The following MYO3B variants were observed in gnomAD, a reference collection of about 807,000 sequenced individuals.
MYO3B encodes myosin IIIB.
A neutral mutation model predicts 174.6 loss-of-function variants in MYO3B; 156 were observed. The observed-to-expected ratio is 0.89, with a 90% CI of 0.78 to 1.02. The LOEUF (loss-of-function observed/expected upper bound fraction) is 1.02. Ranked by LOEUF, MYO3B falls within the 50% of genes least tolerant of loss-of-function variation. MYO3B has a pLI of 0.00. For synonymous variants in MYO3B, 563 were observed against 569.1 expected (o/e 0.99, Z 0.15); for missense variants, 1,632 against 1,639.4 (o/e 1.00, Z 0.08).
chr2:170,363,974 C>T (rs1023062836), intron 8 of MYO3B, among the ~76,000 whole-genome samples: 1 of 152,144 alleles, frequency 6.6e-6, no homozygotes, highest in Non-Finnish European at 1.5e-5. Flanking sequence ...TAAATCTAGT[C>T]CTTGCTACTT....
At position 170,235,948 on chromosome 2, in the gene MYO3B, T is replaced by C. The variant is rs775064160; in HGVS notation, c.604-43T>C. 4.3e-6 allele frequency: 7 copies of C among 1,611,034 alleles called. No homozygotes were observed. In the Admixed American group the frequency reaches 1.2e-4, roughly 27 times the overall value. The stretch of plus-strand genomic sequence containing the variant: ...CAGGGCCTTTTTAGGACATCTGATG[T>C]GGCAGTAGGGTTGATGTGTCATGTC... On this transcript the variant is annotated intron_variant, in intron 6 of 34. Coordinates refer to ENST00000408978, the MANE Select transcript of MYO3B (RefSeq NM_138995.5).
At chr2:170,356,571 A>G (rs897603526) in intron 8 of MYO3B, among the ~76,000 whole-genome samples, 2 of 151,380 alleles carry the variant, frequency 1.3e-5, no homozygotes, top group South Asian at 2.1e-4. Context: ...CATGTTGGCC[A>G]GGCTGGTCTC....
At chr2:170,642,758 A>G (rs547382309) in intron 32 of MYO3B, among the ~76,000 whole-genome samples, 13 of 152,148 alleles carry the variant, frequency 8.5e-5, no homozygotes, top group Non-Finnish European at 1.8e-4. Context: ...TTCCTCCATG[A>G]CATGACTTAA....
chr2:170,607,402 C>G (rs2106354504), intron 32 of MYO3B, among the ~76,000 whole-genome samples: 1 of 152,354 alleles, frequency 6.6e-6, no homozygotes, highest in East Asian at 1.9e-4. Context: ...TCACTCCAGA[C>G]CCCAGGCTGA....
chr2:170,226,511 G>A (rs1253281776), intron 6 of MYO3B, among the ~76,000 whole-genome samples: 1 of 152,190 alleles, frequency 6.6e-6, no homozygotes, highest in Non-Finnish European at 1.5e-5. Flanking sequence ...TGCAAGGGGT[G>A]GAAATGACTG....
chr2:170,591,940 C>T (rs1693841053), intron 32 of MYO3B, among the ~76,000 whole-genome samples: 1 of 152,210 alleles, frequency 6.6e-6, no homozygotes, highest in Non-Finnish European at 1.5e-5. Flanking sequence ...CTTCTCAACT[C>T]AAGGCAGTAT....
intron 16 of MYO3B, among the ~76,000 whole-genome samples, chr2:170,399,302 G>A (rs13405139): frequency 0.11 from 13,174 of 119,616 alleles, 1,036 homozygotes; most frequent in African/African-American, 0.17. Context: ...GCAAAACTCC[G>A]TCTCTACTAA....
In MYO3B at chr2:170,501,863, C is replaced by T. The variant is rs1687293111; in HGVS notation, c.3368C>T (p.Ala1123Val). ...AATGAGTCTGCTGCTCATAATCAAG[C>T]AGGTAATTAAAACATCATTTTCACA... The part of the protein sequence containing the change: ...RRNESAAHNQ[A>V]GDTSNQSSGP... Residue 1123 changes from alanine to valine, a missense_variant and splice_region_variant, in exon 28 of 35, where the codon GCA becomes GTA. Coordinates refer to ENST00000408978, the MANE Select transcript of MYO3B (RefSeq NM_138995.5). 1.9e-6 allele frequency: 3 copies of T among 1,602,906 alleles called. No homozygotes were observed. The highest frequency in any genetic ancestry group is 1.3e-5 in the African/African-American group (1 of 74,618).
chr2:170,279,305 TG>T (rs1271582740), intron 7 of MYO3B, among the ~76,000 whole-genome samples: 1 of 152,182 alleles, frequency 6.6e-6, no homozygotes, highest in Non-Finnish European at 1.5e-5. Flanking sequence ...TGTTATTTTT[TG>T]TCTTTTTGAT....
chr2:170,400,386 G>A, intron 17 of MYO3B, 72 bp downstream of exon 17: 1 of 1,469,192 alleles, frequency 6.8e-7, no homozygotes. Flanking sequence ...AAAATATAAT[G>A]CAGCATTTGC....
At chr2:170,305,830 T>G (rs549875027) in intron 7 of MYO3B, among the ~76,000 whole-genome samples, 2 of 152,310 alleles carry the variant, frequency 1.3e-5, no homozygotes, top group African/African-American at 4.8e-5. Flanking sequence ...TCAAGTGACT[T>G]CCTCCCTCAG....
At chr2:170,443,164 C>T (rs2094814846) in intron 22 of MYO3B, among the ~76,000 whole-genome samples, 3 of 152,278 alleles carry the variant, frequency 2.0e-5, no homozygotes, top group African/African-American at 7.2e-5. Flanking sequence ...CTGTTGTTTC[C>T]TGACTTTTTA....
chr2:170,351,858 A>G (rs1266870309), intron 8 of MYO3B, among the ~76,000 whole-genome samples: 1 of 152,238 alleles, frequency 6.6e-6, no homozygotes, highest in Non-Finnish European at 1.5e-5. Flanking sequence ...AATTTGGGAT[A>G]AAATACGTAA....
intron 32 of MYO3B, among the ~76,000 whole-genome samples, chr2:170,571,360 T>A (rs1438963434): frequency 6.6e-6 from 1 of 152,154 alleles, no homozygotes; most frequent in Non-Finnish European, 1.5e-5. Context: ...CAGGAGAAGA[T>A]GAGACTGAGG....
At chr2:170,195,022 C>A (rs1373340151) in intron 1 of MYO3B, among the ~76,000 whole-genome samples, 1 of 151,984 alleles carries the variant, frequency 6.6e-6, no homozygotes, top group Admixed American at 6.6e-5. Context: ...TTATCCTAGC[C>A]GCTCTGGCAA....
chr2:170,513,679 T>C (rs1408500029), intron 28 of MYO3B, among the ~76,000 whole-genome samples: 1 of 152,216 alleles, frequency 6.6e-6, no homozygotes, highest in East Asian at 1.9e-4. Context: ...TTCATATCTT[T>C]AATCTCTTCT....
At chr2:170,212,644 A>C (rs990716339) in intron 3 of MYO3B, among the ~76,000 whole-genome samples, 4 of 149,738 alleles carry the variant, frequency 2.7e-5, no homozygotes, top group African/African-American at 9.8e-5. Flanking sequence ...AGGAAAAAAA[A>C]GAAAGAACTC....
chr2:170,412,994 A>G (rs2094555646), intron 22 of MYO3B, among the ~76,000 whole-genome samples: 1 of 152,234 alleles, frequency 6.6e-6, no homozygotes, highest in African/African-American at 2.4e-5. Flanking sequence ...TGCTATGTAT[A>G]GGTTATTTCT....
At chr2:170,312,252 A>C (rs1305446589) in intron 7 of MYO3B, among the ~76,000 whole-genome samples, 1 of 152,218 alleles carries the variant, frequency 6.6e-6, no homozygotes, top group Non-Finnish European at 1.5e-5. Flanking sequence ...GACTACTTTA[A>C]GACTGGTCTG....
Sources: gnomAD v4.1 joint callset for allele counts (sites outside exome capture counted in the v4.1 genomes callset) on GRCh38, gnomAD v4.1.1 for gene constraint, MANE v1.5 for transcripts, NCBI Gene and HGNC (gene_info 2026-07-23, HGNC 2026-07-21) for gene names.